The following HMGCLL1 variants were observed in gnomAD, a reference collection of about 807,000 sequenced individuals.
HMGCLL1 encodes the protein 3-hydroxymethyl-3-methylglutaryl-CoA lyase, cytoplasmic.
Under a neutral mutation model 39.1 loss-of-function variants are expected in HMGCLL1, and 36 were observed. The ratio of observed to expected loss-of-function variants is 0.92; its 90% confidence interval spans 0.71 to 1.22. The LOEUF is 1.22. Ranked by LOEUF, HMGCLL1 falls within the 50% of genes most tolerant of loss-of-function variation. The probability of loss-of-function intolerance (pLI) is 0.00; values close to 1 mark genes in which losing one functional copy is unlikely to be tolerated. For synonymous variants in HMGCLL1, 149 were observed against 144.0 expected, an observed-to-expected ratio of 1.03 and a Z score of -0.25; for missense variants, 451 against 416.5, an observed-to-expected ratio of 1.08 and a Z score of -0.72.
At chr6:55,635,777 A>G in the HMGCLL1 span, among the ~76,000 whole-genome samples, 2 of 152,202 alleles carry the variant, frequency 1.3e-5, no homozygotes, top group African/African-American at 4.8e-5. Flanking sequence ...GCATAAAAGA[A>G]AAATTCATTG....
chr6:55,626,748 A>G, the HMGCLL1 span, among the ~76,000 whole-genome samples: 21 of 152,190 alleles, frequency 1.4e-4, no homozygotes, highest in South Asian at 4.2e-3. Context: ...TGATTCCACT[A>G]AAGTGGAAGT....
chr6:55,435,631 T>A lies in HMGCLL1; in HGVS notation c.*31A>T. 1 of 1,256,134 alleles carries A rather than the reference T, an allele frequency of 8.0e-7. No individual in the cohort carries two copies. Among genetic ancestry groups the A allele is most frequent in the Non-Finnish European group, 1.1e-6 (1 of 881,404 alleles). 77.8% of individuals were successfully genotyped at this position (1,256,134 alleles called of 1,614,324 possible). ...ATGAGTATTGTAGCTGAAATTGATC[T>A]TCTCAACGGTACGTCATAAATCCAT... On this transcript the variant is annotated 3_prime_UTR_variant, in exon 9 of 9. Coordinates refer to ENST00000274901, the MANE Select transcript of HMGCLL1 (RefSeq NM_001042406.2).
intron 3 of HMGCLL1, among the ~76,000 whole-genome samples, chr6:55,539,596 T>A (rs1354711337): frequency 6.6e-6 from 1 of 151,230 alleles, no homozygotes; most frequent in Non-Finnish European, 1.5e-5. Flanking sequence ...TTAACTAACA[T>A]AGGAATAGAA....
chr6:55,620,582 C>T, the HMGCLL1 span, among the ~76,000 whole-genome samples: 3 of 151,192 alleles, frequency 2.0e-5, no homozygotes, highest in Non-Finnish European at 4.4e-5. Flanking sequence ...TTAAAATATC[C>T]CATTTGTCCA....
intron 7 of HMGCLL1, among the ~76,000 whole-genome samples, chr6:55,462,912 G>A (rs892380524): frequency 1.1e-4 from 16 of 152,036 alleles, no homozygotes; most frequent in African/African-American, 3.1e-4. Context: ...GTAAAGGAAA[G>A]TTGTGCATGA....
the HMGCLL1 span, among the ~76,000 whole-genome samples, chr6:55,648,141 G>T: frequency 0.24 from 27,166 of 113,294 alleles, 2,741 homozygotes; most frequent in African/African-American, 0.31. Flanking sequence ...GGTGTATATG[G>T]GCCACATTTT....
At chr6:55,461,198 C>T (rs1285198602) in intron 7 of HMGCLL1, among the ~76,000 whole-genome samples, 2 of 151,634 alleles carry the variant, frequency 1.3e-5, no homozygotes, top group East Asian at 3.9e-4. Flanking sequence ...GTAATCTAGA[C>T]CGTCATCTAA....
intron 7 of HMGCLL1, among the ~76,000 whole-genome samples, chr6:55,476,548 G>A (rs918958267): frequency 6.6e-6 from 1 of 151,460 alleles, no homozygotes; most frequent in African/African-American, 2.4e-5. Flanking sequence ...TGTACATTTT[G>A]TTCATTTCCT....
chr6:55,457,687 AT>A (rs368384150), intron 7 of HMGCLL1, among the ~76,000 whole-genome samples: 5 of 149,916 alleles, frequency 3.3e-5, no homozygotes, highest in African/African-American at 1.2e-4. Context: ...CTCTCTCATC[AT>A]TTTTTTTCTT....
At chr6:55,541,976 T>C in intron 2 of HMGCLL1, 84 bp downstream of exon 2, 1 of 1,006,392 alleles carries the variant, frequency 9.9e-7, no homozygotes, top group Non-Finnish European at 1.5e-6. Flanking sequence ...TATAATCAGA[T>C]AACATATGAA....
intron 1 of HMGCLL1, among the ~76,000 whole-genome samples, chr6:55,552,026 C>G (rs1770353437): frequency 6.6e-6 from 1 of 151,648 alleles, no homozygotes; most frequent in Non-Finnish European, 1.5e-5. Flanking sequence ...TCAAGACTAA[C>G]CAAAGTTCTA....
chr6:55,662,417 C>T, the HMGCLL1 span, among the ~76,000 whole-genome samples: 1 of 151,686 alleles, frequency 6.6e-6, no homozygotes, highest in South Asian at 2.1e-4. Flanking sequence ...CACTGAAAGT[C>T]TTTTCTAAGT....
the HMGCLL1 span, among the ~76,000 whole-genome samples, chr6:55,590,975 A>T: frequency 6.6e-6 from 1 of 152,006 alleles, no homozygotes; most frequent in Non-Finnish European, 1.5e-5. Context: ...TTCGGAAGTA[A>T]CAAGGAAGTG....
chr6:55,633,991 A>G, the HMGCLL1 span, among the ~76,000 whole-genome samples: 935 of 152,166 alleles, frequency 6.1e-3, 13 homozygotes, highest in African/African-American at 0.021. Flanking sequence ...TAAATTTTGT[A>G]TTCTTATATC....
chr6:55,660,343 G>GT, the HMGCLL1 span, among the ~76,000 whole-genome samples: 3 of 151,590 alleles, frequency 2.0e-5, no homozygotes. Flanking sequence ...CCCAATAATT[G>GT]TTTTTTCTGT....
At chr6:55,605,847 C>T in the HMGCLL1 span, among the ~76,000 whole-genome samples, 3 of 152,012 alleles carry the variant, frequency 2.0e-5, no homozygotes, top group South Asian at 2.1e-4. Context: ...TTTCATAAAT[C>T]GTTTCTAACT....
the HMGCLL1 span, among the ~76,000 whole-genome samples, chr6:55,584,934 C>A: frequency 6.6e-6 from 1 of 151,698 alleles, no homozygotes; most frequent in African/African-American, 2.4e-5. Flanking sequence ...AACAACCTGG[C>A]TAACAATACT....
At chr6:55,548,220 G>A (rs984801823) in intron 1 of HMGCLL1, among the ~76,000 whole-genome samples, 22 of 152,010 alleles carry the variant, frequency 1.4e-4, no homozygotes, top group African/African-American at 5.3e-4. Context: ...GGAGAATTGT[G>A]CTACACTTTG....
At position 55,573,069 on chromosome 6, in the gene HMGCLL1, C is replaced by A. The variant is rs139843391; in HGVS notation, c.108+5879G>T. ...GAATTCAGGTCTCAGCAAGGAGGAGCAACCCTGGTAAACATTTTAGGTTTT... is the reference window on the plus strand; with the variant it reads ...GAATTCAGGTCTCAGCAAGGAGGAGAAACCCTGGTAAACATTTTAGGTTTT... On this transcript the variant is annotated intron_variant, in intron 1 of 8. Transcript: ENST00000274901. Among the ~76,000 whole-genome samples, 1,356 of 152,254 alleles carry A rather than the reference C, an allele frequency of 8.9e-3. 21 individuals carry two copies. The highest frequency in any genetic ancestry group is 0.03 in the African/African-American group (1,259 of 41,546).
Sources: allele counts gnomAD v4.1 joint callset (sites outside exome capture counted in the v4.1 genomes callset), GRCh38; gene constraint gnomAD v4.1.1; transcripts MANE v1.5; gene names NCBI Gene and HGNC (gene_info 2026-07-23, HGNC 2026-07-21).